The following JARID2 variants were observed in gnomAD, a reference collection of about 807,000 sequenced individuals.
JARID2 encodes protein Jumonji.
Under a neutral mutation model 125.6 loss-of-function variants are expected in JARID2, and 21 were observed. The ratio of observed to expected loss-of-function variants is 0.17; its 90% confidence interval spans 0.12 to 0.24. The LOEUF is 0.24. Among genes scored for constraint, JARID2 ranks in the 10% least tolerant of loss-of-function variants. The pLI is 1.00. For missense variants in JARID2, 1,303 were observed against 1,639.6 expected, an observed-to-expected ratio of 0.79 and a Z score of 3.55; for synonymous variants, 736 against 661.6, an observed-to-expected ratio of 1.11 and a Z score of -1.73.
chr6:15,378,252 C>T (rs1217929562), intron 2 of JARID2, among the ~76,000 whole-genome samples: 1 of 145,128 alleles, frequency 6.9e-6, no homozygotes, highest in Non-Finnish European at 1.5e-5. Context: ...TTTCAAATGT[C>T]AAAATGTTTC....
chr6:15,310,277 A>G (rs1761969811), intron 1 of JARID2, among the ~76,000 whole-genome samples: 1 of 152,244 alleles, frequency 6.6e-6, no homozygotes, highest in African/African-American at 2.4e-5. Context: ...GAAGAAAAAC[A>G]GTAGAAAAAA....
At chr6:15,490,825 G>C (rs1473254969) in intron 6 of JARID2, among the ~76,000 whole-genome samples, 1 of 152,240 alleles carries the variant, frequency 6.6e-6, no homozygotes, top group Non-Finnish European at 1.5e-5. Flanking sequence ...TTCCAAGAGA[G>C]TCATGAGCAG....
At chr6:15,416,554 G>C (rs1364354506) in intron 3 of JARID2, among the ~76,000 whole-genome samples, 1 of 152,178 alleles carries the variant, frequency 6.6e-6, no homozygotes, top group Non-Finnish European at 1.5e-5. Flanking sequence ...CAGGCGTGGT[G>C]GCGCGCGCCT....
At position 15,520,725 on chromosome 6, in the gene JARID2, G is replaced by GCTTTGGCTGT; in HGVS notation, c.*476_*485dup. 4 of 455,406 alleles carry GCTTTGGCTGT rather than the reference G, an allele frequency of 8.8e-6. No individual in the cohort carries two copies. The highest frequency in any genetic ancestry group is 3.3e-4 in the Middle Eastern group (1 of 3,066). The allele number at this position is 455,406 out of a possible 1,614,324, so 28.2% of individuals were successfully genotyped here. The stretch of plus-strand genomic sequence containing the variant: ...CACACACGAAACTTGAAATGGCTTT[G>GCTTTGGCTGT]CTTTGGCTGTCGTCTTCTGCCGTGT... On this transcript the variant is annotated 3_prime_UTR_variant, in exon 18 of 18. Coordinates refer to ENST00000341776, the MANE Select transcript of JARID2 (RefSeq NM_004973.4).
intron 7 of JARID2, 142 bp downstream of exon 7, chr6:15,497,312 C>T: frequency 1.5e-6 from 1 of 680,526 alleles, no homozygotes; most frequent in South Asian, 2.0e-5. Flanking sequence ...GGCTTCTCAG[C>T]TCATTCCCCC....
intron 2 of JARID2, among the ~76,000 whole-genome samples, chr6:15,384,624 A>G (rs765689404): frequency 1.6e-4 from 25 of 152,092 alleles, no homozygotes; most frequent in Admixed American, 5.2e-4. Flanking sequence ...GTGTCTTGCT[A>G]TGTTGCCTAG....
intron 2 of JARID2, chr6:15,400,923 G>C (rs1429225879): frequency 7.8e-7 from 1 of 1,289,258 alleles, no homozygotes; most frequent in Non-Finnish European, 1.0e-6. Flanking sequence ...CTTCCTCTCT[G>C]TCTCTCTGCA....
intron 2 of JARID2, among the ~76,000 whole-genome samples, chr6:15,407,252 C>T (rs1765687676): frequency 6.6e-6 from 1 of 152,032 alleles, no homozygotes; most frequent in Non-Finnish European, 1.5e-5. Flanking sequence ...CAGAGCAAGA[C>T]CTTGTCCCTC....
In JARID2 at chr6:15,357,592, A is replaced by G. The variant is rs375269032; in HGVS notation, c.46-16525A>G. ...AAGTCTCTCTAAGCAAATGTTATTT[A>G]TTGATTTTTTTTTTAATTCGCCAAG... On this transcript the variant is annotated intron_variant, in intron 1 of 17. Transcript: ENST00000341776. Among the ~76,000 whole-genome samples the G allele has an allele frequency of 1.7e-4, 26 of 152,294 alleles. No homozygotes were observed. The East Asian group carries it at 4.8e-3, about 28-fold the overall frequency.
chr6:15,248,990 C>T (rs1759322722), intron 1 of JARID2: 8 of 983,432 alleles, frequency 8.1e-6, no homozygotes, highest in Non-Finnish European at 9.7e-6. Context: ...CCGTAGGTCC[C>T]CAAAGGAGTG....
At chr6:15,490,549 C>T (rs1329185733) in intron 6 of JARID2, among the ~76,000 whole-genome samples, 5 of 152,176 alleles carry the variant, frequency 3.3e-5, no homozygotes, top group Admixed American at 1.3e-4. Context: ...GGCTCTGGCC[C>T]CGGCCGTTTA....
At position 15,497,097 on chromosome 6, in the gene JARID2, C is replaced by T. The variant is rs759039707; in HGVS notation, c.1872C>T (p.Asn624=). The T allele has an allele frequency of 1.8e-5, 29 of 1,581,430 alleles. No individual in the cohort carries two copies. In the Middle Eastern group the frequency reaches 8.3e-4, roughly 45 times the overall value. ...AGCTGGGCCGGCGCTGGGGCCCCAA[C>T]GTGCAGCGGCTGGCCTGCATCAAGA... ...IHKLGRRWGP[N]VQRLACIKKH... is the part of the protein sequence containing the mutation. Residue 624 remains asparagine (N), a synonymous_variant, in exon 7 of 18, where the codon AAC becomes AAT. Coordinates refer to ENST00000341776, the MANE Select transcript of JARID2 (RefSeq NM_004973.4).
intron 1 of JARID2, among the ~76,000 whole-genome samples, chr6:15,317,863 C>G (rs899829524): frequency 3.3e-5 from 5 of 152,138 alleles, no homozygotes; most frequent in African/African-American, 1.2e-4. Context: ...ATACCAGACC[C>G]GCTCCCACAA....
chr6:15,286,436 G>C (rs1315695743), intron 1 of JARID2, among the ~76,000 whole-genome samples: 1 of 151,594 alleles, frequency 6.6e-6, no homozygotes, highest in Non-Finnish European at 1.5e-5. Flanking sequence ...ATTTTTACTA[G>C]AGACGGGGTT....
chr6:15,444,566 G>C (rs1018731974), intron 3 of JARID2, among the ~76,000 whole-genome samples: 1 of 151,980 alleles, frequency 6.6e-6, no homozygotes, highest in African/African-American at 2.4e-5. Flanking sequence ...TGTGTGTCTG[G>C]GGGGCGAATG....
chr6:15,317,686 T>C (rs1762223797), intron 1 of JARID2, among the ~76,000 whole-genome samples: 1 of 152,080 alleles, frequency 6.6e-6, no homozygotes, highest in Non-Finnish European at 1.5e-5. Context: ...TTTTGAGTTT[T>C]AGTTGGAGTT....
At chr6:15,466,340 G>A (rs192398454) in intron 4 of JARID2, among the ~76,000 whole-genome samples, 6 of 152,282 alleles carry the variant, frequency 3.9e-5, no homozygotes, top group East Asian at 1.9e-4. Flanking sequence ...CCAATCCATC[G>A]TTTGGATTTC....
chr6:15,381,342 A>C (rs13200618), intron 2 of JARID2, among the ~76,000 whole-genome samples: 131 of 11,054 alleles, frequency 0.012, no homozygotes, highest in Middle Eastern at 0.038. Flanking sequence ...CTCCTGTCTC[A>C]AAAAAAAAAA....
intron 3 of JARID2, among the ~76,000 whole-genome samples, chr6:15,413,002 G>GTTGTTT (rs1554133602): frequency 2.1e-5 from 1 of 46,532 alleles, no homozygotes; most frequent in African/African-American, 9.3e-5. Flanking sequence ...AAGAGCTTGT[G>GTTGTTT]TTTTTGTTTT....
Sources: gnomAD v4.1 joint callset for allele counts (sites outside exome capture counted in the v4.1 genomes callset) on GRCh38, gnomAD v4.1.1 for gene constraint, MANE v1.5 for transcripts, NCBI Gene and HGNC (gene_info 2026-07-23, HGNC 2026-07-21) for gene names.